Variants in ABTB2 observed in about 807,000 individuals in gnomAD.
The protein encoded by ABTB2 is ankyrin repeat and BTB domain containing 2, also known as ankyrin repeat and BTB/POZ domain-containing protein 2.
ABTB2 carries 56 observed loss-of-function variants against 104.1 expected under a neutral mutation model. The ratio of observed to expected loss-of-function variants is 0.54; its 90% CI spans 0.43 to 0.67. ABTB2 has a LOEUF of 0.67. Among genes scored for constraint, ABTB2 ranks in the 30% least tolerant of loss-of-function variants. The probability of loss-of-function intolerance (pLI) is 0.00; values close to 1 mark genes in which losing one functional copy is unlikely to be tolerated. For synonymous variants in ABTB2, 606 were observed against 608.2 expected, an observed-to-expected ratio of 1.00 and a Z score of 0.05; for missense variants, 1,279 against 1,407.7, an observed-to-expected ratio of 0.91 and a Z score of 1.46.
At chr11:34,188,816 T>C (rs957737767) in intron 3 of ABTB2, among the ~76,000 whole-genome samples, 1 of 152,234 alleles carries the variant, frequency 6.6e-6, no homozygotes, top group African/African-American at 2.4e-5. Flanking sequence ...ACAGCCTATC[T>C]GTGGGCATGT....
At chr11:34,241,924 T>G (rs1853921431) in intron 1 of ABTB2, among the ~76,000 whole-genome samples, 1 of 152,260 alleles carries the variant, frequency 6.6e-6, no homozygotes, top group South Asian at 2.1e-4. Context: ...TGGGAACAGC[T>G]GGACTCTTCT....
chr11:34,278,157 A>G (rs1854407700), intron 1 of ABTB2, among the ~76,000 whole-genome samples: 1 of 152,008 alleles, frequency 6.6e-6, no homozygotes, highest in Non-Finnish European at 1.5e-5. Context: ...TTTGCAATCT[A>G]CAGAAGGAGC....
intron 3 of ABTB2, among the ~76,000 whole-genome samples, chr11:34,192,184 T>TG (rs948008341): frequency 5.3e-5 from 8 of 152,004 alleles, no homozygotes; most frequent in Admixed American, 1.3e-4. Flanking sequence ...TCCCAGCTAC[T>TG]GGGGGGGCTG....
intron 9 of ABTB2, 125 bp downstream of exon 9, chr11:34,164,561 C>T (rs913576784): frequency 3.4e-6 from 4 of 1,184,426 alleles, no homozygotes; most frequent in Admixed American, 8.2e-5. Flanking sequence ...TACTAGCACA[C>T]AGGCCCCCTG....
At position 34,171,052 on chromosome 11, in the gene ABTB2, A is replaced by G; in HGVS notation, c.1417T>C (p.Ser473Pro). 1 of 1,614,162 alleles carries G rather than the reference A, an allele frequency of 6.2e-7. No homozygotes were observed. Among genetic ancestry groups the G allele is most frequent in the Non-Finnish European group, 8.5e-7 (1 of 1,180,012 alleles). ...GCTCGGGCATCCAGCCTCCGGAAGG[A>G]ACTGAAACAGTGTTCGGGTCTGCCC... is the stretch of plus-strand genomic sequence containing the variant. ...RQLKPEHCFSSFRRLDARAAT... is the reference protein window; with the variant it reads ...RQLKPEHCFSPFRRLDARAAT... The change falls in exon 5 of 17, where the codon TCC becomes CCC. Residue 473 changes from serine (S) to proline (P), a missense_variant. Physicochemically the swap from Ser to Pro is moderately conservative, Grantham distance 74 (BLOSUM62 -1). Coordinates refer to ENST00000435224, the MANE Select transcript of ABTB2 (RefSeq NM_145804.3).
chr11:34,165,160 G>GCA (rs1852780556), intron 8 of ABTB2, 100 bp downstream of exon 8: 1 of 1,110,514 alleles, frequency 9.0e-7, no homozygotes, highest in African/African-American at 1.6e-5. Context: ...TGGGGTCCGT[G>GCA]TGTGCTAAAG....
intron 1 of ABTB2, among the ~76,000 whole-genome samples, chr11:34,282,201 C>G (rs1854455667): frequency 6.6e-6 from 1 of 152,176 alleles, no homozygotes. Flanking sequence ...TCCCAAAGGT[C>G]TCACTTCCTA....
chr11:34,152,605 G>C (rs1293365970), intron 16 of ABTB2, 21 bp from the exon 17 acceptor site: 2 of 1,597,096 alleles, frequency 1.3e-6, no homozygotes, highest in Non-Finnish European at 1.7e-6. Flanking sequence ...GAGAGAGGAG[G>C]GGTGAAGCCC....
chr11:34,174,065 T>C lies in ABTB2; in HGVS notation c.1245-758A>G, dbSNP rs576888150. Reference sequence around the variant, plus strand: ...GAGTAGTGGCCTCGGCCGGGCTCGGTGGCTCACGCCTGTAACCTCAGCACT... The same window carrying C: ...GAGTAGTGGCCTCGGCCGGGCTCGGCGGCTCACGCCTGTAACCTCAGCACT... On this transcript the variant is annotated intron_variant, in intron 3 of 16. Coordinates refer to ENST00000435224, the MANE Select transcript of ABTB2 (RefSeq NM_145804.3). Among the ~76,000 whole-genome samples the C allele has an allele frequency of 6.6e-5, 10 of 152,244 alleles. No individual in the cohort carries two copies. The East Asian group carries it at 1.9e-3, about 29-fold the overall frequency.
intron 1 of ABTB2, among the ~76,000 whole-genome samples, chr11:34,208,553 C>T (rs550356119): frequency 3.3e-5 from 5 of 152,284 alleles, no homozygotes; most frequent in Admixed American, 2.0e-4. Flanking sequence ...CTCGAATGTG[C>T]TGTGGACTGT....
chr11:34,226,124 C>T (rs1022120633), intron 1 of ABTB2, among the ~76,000 whole-genome samples: 1 of 149,984 alleles, frequency 6.7e-6, no homozygotes, highest in South Asian at 2.1e-4. Flanking sequence ...ATCACTTGAG[C>T]CTGGGAGGCA....
intron 2 of ABTB2, among the ~76,000 whole-genome samples, chr11:34,199,997 G>C (rs1453158438): frequency 6.6e-6 from 1 of 152,148 alleles, no homozygotes; most frequent in African/African-American, 2.4e-5. Flanking sequence ...TCTGCACCCT[G>C]AAATGCCAGA....
intron 1 of ABTB2, among the ~76,000 whole-genome samples, chr11:34,300,309 GA>G (rs1854687229): frequency 2.0e-5 from 3 of 152,320 alleles, no homozygotes; most frequent in Middle Eastern, 3.4e-3. Context: ...TGATCAGAAT[GA>G]AATGTTCTTG....
At chr11:34,174,124 G>C (rs1402545352) in intron 3 of ABTB2, among the ~76,000 whole-genome samples, 1 of 152,132 alleles carries the variant, frequency 6.6e-6, no homozygotes, top group Non-Finnish European at 1.5e-5. Flanking sequence ...CACGAGGTCA[G>C]GAGATCGAGA....
intron 9 of ABTB2, 98 bp downstream of exon 9, chr11:34,164,588 C>T (rs1437133078): frequency 1.2e-5 from 16 of 1,337,738 alleles, no homozygotes; most frequent in East Asian, 3.1e-5. Flanking sequence ...GAAAGGTCTC[C>T]GGGCCTAGCT....
intron 3 of ABTB2, among the ~76,000 whole-genome samples, chr11:34,174,302 G>A (rs1296765450): frequency 6.8e-6 from 1 of 147,136 alleles, no homozygotes; most frequent in African/African-American, 2.6e-5. Context: ...TCCAGCCTGG[G>A]CGACAGGGCG....
chr11:34,173,844 C>T (rs904266395), intron 3 of ABTB2, among the ~76,000 whole-genome samples: 2 of 152,184 alleles, frequency 1.3e-5, no homozygotes, highest in African/African-American at 4.8e-5. Flanking sequence ...CAAGCACACT[C>T]GAGTCTGGTT....
At chr11:34,313,561 C>T (rs1211402789) in intron 1 of ABTB2, among the ~76,000 whole-genome samples, 1 of 152,196 alleles carries the variant, frequency 6.6e-6, no homozygotes, top group Non-Finnish European at 1.5e-5. Context: ...GTAACCCAGA[C>T]CATTGGACAA....
chr11:34,293,364 T>C (rs1294579220), intron 1 of ABTB2, among the ~76,000 whole-genome samples: 1 of 152,070 alleles, frequency 6.6e-6, no homozygotes, highest in African/African-American at 2.4e-5. Context: ...TCCTGGCTGG[T>C]AGTACTTGCG....
Sources: gnomAD v4.1 joint callset for allele counts (sites outside exome capture counted in the v4.1 genomes callset) on GRCh38, gnomAD v4.1.1 for gene constraint, MANE v1.5 for transcripts, NCBI Gene and HGNC (gene_info 2026-07-23, HGNC 2026-07-21) for gene names.